The following ZNF407 variants were observed in gnomAD, a reference collection of about 807,000 sequenced individuals.
The protein encoded by ZNF407 is zinc finger protein 407.
A neutral mutation model predicts 131.2 loss-of-function variants in ZNF407; 17 were observed. The ratio of observed to expected loss-of-function variants is 0.13; its 90% CI spans 0.09 to 0.19. The LOEUF is 0.19. Ranked by LOEUF, ZNF407 falls within the 10% of genes least tolerant of loss-of-function variation. The probability of loss-of-function intolerance (pLI) is 1.00; values close to 1 mark genes in which losing one functional copy is unlikely to be tolerated. For synonymous variants in ZNF407, 1,156 were observed against 1,062.0 expected (o/e 1.09, Z -1.72); for missense variants, 2,681 against 2,830.6 (o/e 0.95, Z 1.20).
chr18:74,888,598 C>G (rs1040672556), intron 6 of ZNF407, among the ~76,000 whole-genome samples: 1 of 152,142 alleles, frequency 6.6e-6, no homozygotes, highest in African/African-American at 2.4e-5. Context: ...TTCACATTCC[C>G]AAGCTGTTCC....
At chr18:75,032,546 A>G (rs1456942431) in intron 8 of ZNF407, among the ~76,000 whole-genome samples, 1 of 152,192 alleles carries the variant, frequency 6.6e-6, no homozygotes, top group Non-Finnish European at 1.5e-5. Flanking sequence ...ACAGTGCCCC[A>G]GCCTCTGGTT....
chr18:74,700,315 T>TAGTTA (rs1430704444), intron 3 of ZNF407, among the ~76,000 whole-genome samples: 40 of 152,358 alleles, frequency 2.6e-4, no homozygotes, highest in Admixed American at 9.8e-4. Flanking sequence ...CTAACTAGTT[T>TAGTTA]ACGGTGAGCA....
At chr18:74,898,949 T>C (rs1164066178) in intron 7 of ZNF407, among the ~76,000 whole-genome samples, 2 of 152,154 alleles carry the variant, frequency 1.3e-5, no homozygotes, top group Admixed American at 6.5e-5. Flanking sequence ...TATCTTTGAG[T>C]TAAAAGTTTA....
At chr18:74,796,839 C>T (rs961600962) in intron 4 of ZNF407, among the ~76,000 whole-genome samples, 1 of 152,110 alleles carries the variant, frequency 6.6e-6, no homozygotes, top group Non-Finnish European at 1.5e-5. Context: ...ATTAATTAAC[C>T]ATCATATTTC....
At chr18:74,807,120 C>A (rs1199081164) in intron 4 of ZNF407, among the ~76,000 whole-genome samples, 1 of 152,126 alleles carries the variant, frequency 6.6e-6, no homozygotes, top group Admixed American at 6.5e-5. Flanking sequence ...CCTCTGAAGC[C>A]TTTTTAAGGC....
intron 4 of ZNF407, among the ~76,000 whole-genome samples, chr18:74,785,660 G>A (rs1969689093): frequency 6.6e-6 from 1 of 152,148 alleles, no homozygotes; most frequent in African/African-American, 2.4e-5. Flanking sequence ...TATTTTTCAA[G>A]TTTACACAGG....
intron 8 of ZNF407, among the ~76,000 whole-genome samples, chr18:74,966,488 G>C (rs1378090590): frequency 6.6e-6 from 1 of 152,086 alleles, no homozygotes; most frequent in Non-Finnish European, 1.5e-5. Context: ...ATGTGGATTT[G>C]TTTCTGGGTT....
At chr18:74,601,603 C>T (rs1387734614) in intron 1 of ZNF407, among the ~76,000 whole-genome samples, 1 of 152,102 alleles carries the variant, frequency 6.6e-6, no homozygotes, top group Non-Finnish European at 1.5e-5. Context: ...AGGAAGCTCT[C>T]CATCATGGCA....
intron 8 of ZNF407, among the ~76,000 whole-genome samples, chr18:74,962,669 A>G (rs1341050573): frequency 2.0e-5 from 3 of 152,194 alleles, no homozygotes; most frequent in Admixed American, 6.5e-5. Flanking sequence ...CTTTGCACAC[A>G]TACAGCACCC....
chr18:74,847,097 C>T (rs930006916), intron 4 of ZNF407, among the ~76,000 whole-genome samples: 4 of 152,128 alleles, frequency 2.6e-5, no homozygotes, highest in African/African-American at 7.2e-5. Context: ...TTTATAGACT[C>T]GGTAACCAAT....
At chr18:74,913,121 A>G (rs569358643) in intron 7 of ZNF407, among the ~76,000 whole-genome samples, 9 of 152,334 alleles carry the variant, frequency 5.9e-5, no homozygotes, top group African/African-American at 2.2e-4. Context: ...GTGGAATTGT[A>G]AATTGCTACA....
intron 8 of ZNF407, among the ~76,000 whole-genome samples, chr18:74,967,730 T>C (rs1256664626): frequency 6.6e-6 from 1 of 152,250 alleles, no homozygotes; most frequent in Non-Finnish European, 1.5e-5. Context: ...GAAAGTCATG[T>C]TCAAATAACG....
intron 4 of ZNF407, among the ~76,000 whole-genome samples, chr18:74,790,295 T>C (rs1969801928): frequency 6.6e-6 from 1 of 152,172 alleles, no homozygotes; most frequent in Admixed American, 6.5e-5. Context: ...TATATAGAAA[T>C]AAGATAAAAC....
chr18:74,617,115 A>T (rs1983342930), intron 1 of ZNF407, among the ~76,000 whole-genome samples: 1 of 17,536 alleles, frequency 5.7e-5, no homozygotes, highest in African/African-American at 2.0e-4. Context: ...ATATCCACAC[A>T]CCACACACAT....
intron 4 of ZNF407, among the ~76,000 whole-genome samples, chr18:74,784,338 G>A (rs1568214299): frequency 6.6e-6 from 1 of 152,130 alleles, no homozygotes; most frequent in Non-Finnish European, 1.5e-5. Flanking sequence ...AATTAATAAT[G>A]CATTTTGTTT....
chr18:75,052,578 C>G (rs962291247), intron 8 of ZNF407, among the ~76,000 whole-genome samples: 1 of 152,194 alleles, frequency 6.6e-6, no homozygotes, highest in Non-Finnish European at 1.5e-5. Flanking sequence ...GAAAGCATTC[C>G]AAGTCCTGCC....
chr18:74,993,482 C>T lies in ZNF407; in HGVS notation c.5429-69668C>T, dbSNP rs540639917. Among the ~76,000 whole-genome samples, 6 of 152,278 alleles carry T rather than the reference C, an allele frequency of 3.9e-5. No individual in the cohort carries two copies. In the South Asian group the frequency reaches 1.2e-3, roughly 32 times the overall value. ...AAGCCAGAGCTGTGTTTTCCTGGGG[C>T]TGGGACAGGGGACCTCAGGAAAATT... is the stretch of plus-strand genomic sequence containing the variant. On this transcript the variant is annotated intron_variant, in intron 8 of 8. Coordinates refer to ENST00000299687, the MANE Select transcript of ZNF407 (RefSeq NM_017757.3).
chr18:74,835,782 T>C (rs1970550679), intron 4 of ZNF407, among the ~76,000 whole-genome samples: 1 of 152,096 alleles, frequency 6.6e-6, no homozygotes, highest in African/African-American at 2.4e-5. Context: ...AGAACAGTGC[T>C]AGCCCCATTA....
At chr18:74,876,339 T>C (rs1167141607) in intron 4 of ZNF407, among the ~76,000 whole-genome samples, 1 of 152,174 alleles carries the variant, frequency 6.6e-6, no homozygotes, top group African/African-American at 2.4e-5. Context: ...AACTGGAGAG[T>C]ATTTTATTAG....
Sources: allele counts gnomAD v4.1 joint callset (sites outside exome capture counted in the v4.1 genomes callset), GRCh38; gene constraint gnomAD v4.1.1; transcripts MANE v1.5; gene names NCBI Gene and HGNC (gene_info 2026-07-23, HGNC 2026-07-21).